The following LIMS1 variants were observed in gnomAD, a reference collection of about 807,000 sequenced individuals.
LIMS1 encodes LIM and senescent cell antigen-like-containing domain protein 1.
A neutral mutation model predicts 44.1 loss-of-function variants in LIMS1; 18 were observed. That is an observed-to-expected ratio of 0.41 (90% CI 0.28 to 0.61). LIMS1 has a LOEUF of 0.61. LIMS1 is among the 20% of genes least tolerant of loss of function. LIMS1 has a pLI of 0.32. For missense variants in LIMS1, 201 were observed against 422.0 expected (o/e 0.48, Z 4.59); for synonymous variants, 93 against 149.1 (o/e 0.62, Z 2.74).
intron 1 of LIMS1, among the ~76,000 whole-genome samples, chr2:108,551,612 ATATATGTATATATG>A (rs1684710760): frequency 7.0e-6 from 1 of 142,678 alleles, no homozygotes; most frequent in African/African-American, 2.7e-5. Flanking sequence ...ATATATGTAT[ATATATGTATATATG>A]TGTATATATA....
chr2:108,551,804 AT>A (rs908577010), intron 1 of LIMS1, among the ~76,000 whole-genome samples: 12 of 144,782 alleles, frequency 8.3e-5, no homozygotes, highest in South Asian at 2.1e-4. Flanking sequence ...ATCTGTATAT[AT>A]GTATATGATA....
chr2:108,582,813 C>T (rs1211207241), intron 1 of LIMS1, among the ~76,000 whole-genome samples: 2 of 152,018 alleles, frequency 1.3e-5, no homozygotes, highest in Non-Finnish European at 2.9e-5. Context: ...AAGTACTTTT[C>T]AACAGTTTCA....
chr2:108,568,684 G>GT (rs1685379397), intron 1 of LIMS1, among the ~76,000 whole-genome samples: 1 of 152,058 alleles, frequency 6.6e-6, no homozygotes, highest in Non-Finnish European at 1.5e-5. Context: ...ACCTACATTT[G>GT]TTATTCTTTG....
In LIMS1 at chr2:108,635,792, C is replaced by G. The variant is rs979553347; in HGVS notation, c.33-23813C>G. 4.0e-5 allele frequency among the ~76,000 whole-genome samples: 6 copies of G among 151,010 alleles called. 1 individual carries two copies. Among genetic ancestry groups the G allele is most frequent in the Non-Finnish European group, 8.9e-5 (6 of 67,610 alleles). ...TACGTGATAACACACTCCTCCCCCC[C>G]GTCTGTTCCTAGTTTTGAATGTAAA... On this transcript the variant is annotated intron_variant, in intron 1 of 9. Coordinates refer to ENST00000544547, the Ensembl canonical transcript of LIMS1.
exon 6 of LIMS1, chr2:108,676,001 C>A: frequency 6.2e-7 from 1 of 1,613,916 alleles, no homozygotes; most frequent in Non-Finnish European, 8.5e-7. Context: ...GCGTGGTGAA[C>A]GCTATGGGCA....
rs1348765964 is a variant in LIMS1, at chr2:108,667,927, GTAT to G, written c.193-2849_193-2847del. Among the ~76,000 whole-genome samples, 8 of 152,100 alleles carry G rather than the reference GTAT, an allele frequency of 5.3e-5. 1 individual carries two copies. In the South Asian group the frequency reaches 1.7e-3, roughly 32 times the overall value. Reference sequence around the variant, plus strand: ...GTTGTTACACTGTGTTTTTAAATTTGTATTATTTTTATTTTTCTATTGGTATTT... The same window carrying G: ...GTTGTTACACTGTGTTTTTAAATTTGTATTTTTATTTTTCTATTGGTATTT... On this transcript the variant is annotated intron_variant, in intron 2 of 9. Transcript: ENST00000544547.
intron 1 of LIMS1, among the ~76,000 whole-genome samples, chr2:108,587,285 G>C (rs1342921537): frequency 7.7e-6 from 1 of 130,696 alleles, no homozygotes; most frequent in Non-Finnish European, 1.6e-5. Flanking sequence ...TTGTTTTCTT[G>C]GGGTTTGTGT....
chr2:108,683,920 G>A, exon 10 of LIMS1: 1 of 1,601,832 alleles, frequency 6.2e-7, no homozygotes, highest in African/African-American at 1.3e-5. Flanking sequence ...AAGCCAGTCT[G>A]TAAGAAGTGC....
intron 1 of LIMS1, chr2:108,607,333 G>T: frequency 7.5e-7 from 1 of 1,339,004 alleles, no homozygotes. Context: ...CACACCAGTT[G>T]TCTGGTATCT....
intron 1 of LIMS1, chr2:108,621,398 A>G: frequency 6.5e-7 from 1 of 1,550,254 alleles, no homozygotes; most frequent in Non-Finnish European, 8.7e-7. Context: ...TCAGGTCTCT[A>G]CAGGAGAAGA....
chr2:108,591,460 TA>T (rs921601679), intron 1 of LIMS1, among the ~76,000 whole-genome samples: 59 of 151,708 alleles, frequency 3.9e-4, no homozygotes, highest in African/African-American at 1.3e-3. Flanking sequence ...AAACTTTTTT[TA>T]AAAAAAAATT....
chr2:108,666,141 C>G (rs184260273), intron 2 of LIMS1, among the ~76,000 whole-genome samples: 3 of 152,258 alleles, frequency 2.0e-5, no homozygotes, highest in East Asian at 3.9e-4. Context: ...GAGGGGCAGC[C>G]CCAGGACTGT....
chr2:108,551,215 A>G (rs1481284391), intron 1 of LIMS1, among the ~76,000 whole-genome samples: 1 of 151,392 alleles, frequency 6.6e-6, no homozygotes, highest in Non-Finnish European at 1.5e-5. Context: ...TAAGGCTTTT[A>G]TGTATTTATA....
rs181214802 is a variant in LIMS1, at chr2:108,667,799, G to T, written c.193-2982G>T. Among the ~76,000 whole-genome samples, 668 of 151,800 alleles carry T rather than the reference G, an allele frequency of 4.4e-3. 4 individuals carry two copies. Among genetic ancestry groups the T allele is most frequent in the South Asian group, 0.014 (67 of 4,804 alleles). ...ATGCTCAAGTCCCTGATATAAAATG[G>T]TATACTTACTTGCATATAACCTATG... On this transcript the variant is annotated intron_variant, in intron 2 of 9. Coordinates refer to ENST00000544547, the Ensembl canonical transcript of LIMS1.
intron 1 of LIMS1, among the ~76,000 whole-genome samples, chr2:108,644,890 A>T (rs1689958089): frequency 6.6e-6 from 1 of 151,876 alleles, no homozygotes; most frequent in Non-Finnish European, 1.5e-5. Context: ...AAGCAGAAGA[A>T]AGGATATCAG....
chr2:108,586,802 A>T (rs1435783298), intron 1 of LIMS1, among the ~76,000 whole-genome samples: 1 of 152,134 alleles, frequency 6.6e-6, no homozygotes, highest in Non-Finnish European at 1.5e-5. Context: ...CCCAAGAGAG[A>T]TCGCAGCTGC....
At chr2:108,590,368 A>G (rs938388198) in intron 1 of LIMS1, among the ~76,000 whole-genome samples, 1 of 152,270 alleles carries the variant, frequency 6.6e-6, no homozygotes, top group Non-Finnish European at 1.5e-5. Flanking sequence ...GAGGATGATC[A>G]TTTTAATTTG....
At chr2:108,558,240 C>G (rs986059510) in intron 1 of LIMS1, among the ~76,000 whole-genome samples, 4 of 148,618 alleles carry the variant, frequency 2.7e-5, no homozygotes, top group African/African-American at 9.9e-5. Flanking sequence ...TTTTTTGAGA[C>G]GGAGTCTTGT....
intron 1 of LIMS1, among the ~76,000 whole-genome samples, chr2:108,604,241 AAAAT>A (rs749703863): frequency 1.3e-5 from 2 of 152,186 alleles, no homozygotes; most frequent in African/African-American, 4.8e-5. Context: ...GGTTGAGAAA[AAAAT>A]AAAAGGATGA....
Sources: allele counts gnomAD v4.1 joint callset (sites outside exome capture counted in the v4.1 genomes callset), GRCh38; gene constraint gnomAD v4.1.1; transcripts MANE v1.5; gene names NCBI Gene and HGNC (gene_info 2026-07-23, HGNC 2026-07-21).